Variants in UST observed in about 807,000 individuals in gnomAD.
UST encodes the protein chondroitin sulfate 2-O-sulfotransferase.
Under a neutral mutation model 45.6 loss-of-function variants are expected in UST, and 21 were observed. The observed-to-expected ratio is 0.46, with a 90% CI of 0.33 to 0.66. The LOEUF (loss-of-function observed/expected upper bound fraction) is 0.66, where lower values mean the gene tolerates loss of function less well. Ranked by LOEUF, UST falls within the 30% of genes least tolerant of loss-of-function variation. UST has a pLI of 0.02. For synonymous variants in UST, 215 were observed against 200.6 expected, an observed-to-expected ratio of 1.07 and a Z score of -0.61; for missense variants, 463 against 512.4, an observed-to-expected ratio of 0.90 and a Z score of 0.93.
rs947950132 is a variant in UST, at chr6:148,945,646, G to A, written c.447+4212G>A. Among the ~76,000 whole-genome samples, 6 of 152,140 alleles carry A rather than the reference G, an allele frequency of 3.9e-5. No individual in the cohort carries two copies. The South Asian group carries it at 8.3e-4, about 21-fold the overall frequency. On this transcript the variant is annotated intron_variant, in intron 3 of 7. Transcript: ENST00000367463. ...TGGTAAATGTTGCGTGCCTTGTCCCGAATGAATCAATTCACGATGATTATT... is the reference window on the plus strand; with the variant it reads ...TGGTAAATGTTGCGTGCCTTGTCCCAAATGAATCAATTCACGATGATTATT...
chr6:149,008,102 G>T (rs1775745954), intron 5 of UST, among the ~76,000 whole-genome samples: 1 of 152,134 alleles, frequency 6.6e-6, no homozygotes, highest in Admixed American at 6.5e-5. Flanking sequence ...AACTTATTTA[G>T]TGAGAGATTT....
chr6:148,991,198 T>C (rs2500525), intron 5 of UST, among the ~76,000 whole-genome samples: 141,112 of 152,222 alleles, frequency 0.93, 65,772 homozygotes, highest in African/African-American at 0.95. Flanking sequence ...AAAAAGTTCA[T>C]GGGTAAATTA....
chr6:148,816,273 G>A (rs970474145), intron 1 of UST, among the ~76,000 whole-genome samples: 1 of 152,206 alleles, frequency 6.6e-6, no homozygotes, highest in Non-Finnish European at 1.5e-5. Flanking sequence ...TCACCATGAG[G>A]AGGAGGATGA....
At position 148,955,100 on chromosome 6, in the gene UST, C is replaced by T. The variant is rs11965523; in HGVS notation, c.527+1149C>T. Among the ~76,000 whole-genome samples, 615 of 152,358 alleles carry T rather than the reference C, an allele frequency of 4.0e-3. 2 individuals carry two copies. The highest frequency in any genetic ancestry group is 0.014 in the African/African-American group (587 of 41,578). ...CCTCCCTTGTCAGCCCTCTGACGGG[C>T]ACTTCTGTCATCTTAACATGGGGTT... On this transcript the variant is annotated intron_variant, in intron 4 of 7. Coordinates refer to ENST00000367463, the MANE Select transcript of UST (RefSeq NM_005715.3).
chr6:148,917,653 A>T (rs932972820), intron 2 of UST, among the ~76,000 whole-genome samples: 1 of 152,210 alleles, frequency 6.6e-6, no homozygotes, highest in African/African-American at 2.4e-5. Flanking sequence ...TGAGGCCTGC[A>T]CAACCTGGGA....
intron 1 of UST, among the ~76,000 whole-genome samples, chr6:148,872,332 G>T (rs190162298): frequency 6.6e-6 from 1 of 152,112 alleles, no homozygotes; most frequent in African/African-American, 2.4e-5. Flanking sequence ...AACTTTCACC[G>T]CATATTTTTA....
chr6:148,905,194 G>C (rs1779332453), intron 2 of UST, among the ~76,000 whole-genome samples: 1 of 152,192 alleles, frequency 6.6e-6, no homozygotes, highest in Non-Finnish European at 1.5e-5. Flanking sequence ...GGTACAGATG[G>C]AGTGGCCTGT....
intron 1 of UST, among the ~76,000 whole-genome samples, chr6:148,839,974 CTTCCCTAT>C (rs754724140): frequency 2.6e-5 from 4 of 152,286 alleles, no homozygotes; most frequent in Non-Finnish European, 5.9e-5. Context: ...TACCTCCCTA[CTTCCCTAT>C]TTTGGGCAAA....
intron 1 of UST, among the ~76,000 whole-genome samples, chr6:148,827,634 A>G (rs1183774525): frequency 6.6e-6 from 1 of 151,766 alleles, no homozygotes; most frequent in Middle Eastern, 3.4e-3. Context: ...AAAAAAAAAA[A>G]GCGTCTAAAC....
chr6:148,793,828 A>G (rs945091954), intron 1 of UST, among the ~76,000 whole-genome samples: 10 of 152,166 alleles, frequency 6.6e-5, no homozygotes, highest in Non-Finnish European at 1.3e-4. Context: ...AGTTTGTTCA[A>G]TTTCACTGCT....
intron 1 of UST, among the ~76,000 whole-genome samples, chr6:148,855,520 T>C (rs1778187838): frequency 2.6e-5 from 4 of 152,158 alleles, no homozygotes; most frequent in Admixed American, 2.6e-4. Context: ...AGGTCACTGT[T>C]CCCAGGGAGG....
rs895250866 is a variant in UST, at chr6:148,748,544, C to T, written c.247+867C>T. Among the ~76,000 whole-genome samples the T allele has an allele frequency of 2.6e-5, 4 of 151,232 alleles. No individual in the cohort carries two copies. The highest frequency in any genetic ancestry group is 2.1e-4 in the South Asian group (1 of 4,766). ...AGCCGCTCCAGCGAGAAGGCGTGAC[C>T]CCGCAGCTCCCTCGTCTCGGCTGCG... On this transcript the variant is annotated intron_variant, in intron 1 of 7. Transcript: ENST00000367463. This position sits in a 1 kb window ranked among gnomAD's most constrained non-coding sequence, Gnocchi z 5.3.
chr6:149,069,372 G>A lies in UST; in HGVS notation c.938-4461G>A, dbSNP rs141676652. On this transcript the variant is annotated intron_variant, in intron 7 of 7. Coordinates refer to ENST00000367463, the MANE Select transcript of UST (RefSeq NM_005715.3). ...GCATTCCCACCAACAGTGTATAAGA[G>A]TTCCCTTTTCTCCACATCCTCACCA... Among the ~76,000 whole-genome samples, 564 of 152,228 alleles carry A rather than the reference G, an allele frequency of 3.7e-3. 6 individuals carry two copies. The highest frequency in any genetic ancestry group is 0.013 in the African/African-American group (524 of 41,530).
chr6:149,053,601 G>T (rs948419792), intron 7 of UST, among the ~76,000 whole-genome samples: 3 of 152,122 alleles, frequency 2.0e-5, no homozygotes, highest in African/African-American at 7.2e-5. Flanking sequence ...AACTATGTTT[G>T]CCATACTTCC....
At chr6:148,852,580 A>G (rs958971263) in intron 1 of UST, among the ~76,000 whole-genome samples, 5 of 152,162 alleles carry the variant, frequency 3.3e-5, no homozygotes, top group African/African-American at 1.2e-4. Context: ...TAATCCTCAG[A>G]GATCTGGAGC....
intron 1 of UST, among the ~76,000 whole-genome samples, chr6:148,882,504 A>G (rs1778841706): frequency 1.3e-5 from 2 of 151,448 alleles, no homozygotes; most frequent in Admixed American, 1.3e-4. Flanking sequence ...AAAAAAAAAA[A>G]AAAAGAGTTG....
intron 5 of UST, among the ~76,000 whole-genome samples, chr6:149,006,881 T>TGAGTC (rs1200105360): frequency 1.3e-5 from 2 of 152,214 alleles, no homozygotes; most frequent in African/African-American, 2.4e-5. Context: ...CCACTTTCCA[T>TGAGTC]AACCACAGAG....
intron 1 of UST, among the ~76,000 whole-genome samples, chr6:148,809,652 A>T (rs986452618): frequency 6.6e-6 from 1 of 152,164 alleles, no homozygotes; most frequent in African/African-American, 2.4e-5. Flanking sequence ...ATCATTGTTT[A>T]TAGCAGTCCT....
intron 5 of UST, among the ~76,000 whole-genome samples, chr6:148,986,024 GT>G (rs1328706236): frequency 6.6e-6 from 1 of 152,196 alleles, no homozygotes; most frequent in Non-Finnish European, 1.5e-5. Context: ...AGAACACAGT[GT>G]AGTTTTAAGA....
Sources: allele counts gnomAD v4.1 joint callset (sites outside exome capture counted in the v4.1 genomes callset), GRCh38; gene constraint gnomAD v4.1.1; non-coding constraint Gnocchi (gnomAD v3.1); transcripts MANE v1.5; gene names NCBI Gene and HGNC (gene_info 2026-07-23, HGNC 2026-07-21).